The following GRIK2 variants were observed in gnomAD, a reference collection of about 807,000 sequenced individuals.
GRIK2 encodes the protein glutamate ionotropic receptor kainate type subunit 2, also known as glutamate receptor ionotropic, kainate 2.
Under a neutral mutation model 100.3 loss-of-function variants are expected in GRIK2, and 32 were observed. That is an observed-to-expected ratio of 0.32 (90% confidence interval 0.24 to 0.43). The LOEUF is 0.43. Among genes scored for constraint, GRIK2 ranks in the 20% least tolerant of loss-of-function variants. The probability of loss-of-function intolerance (pLI) is 1.00; values close to 1 mark genes in which losing one functional copy is unlikely to be tolerated. For missense variants in GRIK2, 843 were observed against 1,114.9 expected, an observed-to-expected ratio of 0.76 and a Z score of 3.47; for synonymous variants, 417 against 389.4, an observed-to-expected ratio of 1.07 and a Z score of -0.83.
intron 4 of GRIK2, among the ~76,000 whole-genome samples, chr6:101,642,729 CT>C (rs1247590942): frequency 1.3e-5 from 2 of 151,636 alleles, no homozygotes; most frequent in Non-Finnish European, 3.0e-5. Context: ...AGGCCCTGTT[CT>C]CAATTCTTTT....
intron 10 of GRIK2, among the ~76,000 whole-genome samples, chr6:101,851,465 A>G (rs1023871430): frequency 6.6e-5 from 10 of 152,212 alleles, no homozygotes; most frequent in South Asian, 2.1e-4. Flanking sequence ...ACTTAGGAAT[A>G]TAATTTAATT....
chr6:101,548,516 T>C (rs905690471), intron 2 of GRIK2, among the ~76,000 whole-genome samples: 4 of 152,154 alleles, frequency 2.6e-5, no homozygotes, highest in Admixed American at 2.0e-4. Flanking sequence ...AAGGAAGGGG[T>C]CCAGTTTCAG....
intron 14 of GRIK2, among the ~76,000 whole-genome samples, chr6:102,008,202 TAGAA>T (rs1224090298): frequency 6.6e-6 from 1 of 151,708 alleles, no homozygotes; most frequent in African/African-American, 2.4e-5. Context: ...AGTGTACAAA[TAGAA>T]AGGAACAACT....
At chr6:101,509,082 A>G (rs1219652015) in intron 2 of GRIK2, among the ~76,000 whole-genome samples, 1 of 147,020 alleles carries the variant, frequency 6.8e-6, no homozygotes, top group African/African-American at 2.5e-5. Context: ...GGCGTCAACC[A>G]GGGAGGCGGA....
intron 4 of GRIK2, among the ~76,000 whole-genome samples, chr6:101,671,636 C>T (rs148696795): frequency 0.015 from 2,259 of 152,170 alleles, 30 homozygotes; most frequent in Admixed American, 0.039. Context: ...GAGGCCAAGG[C>T]GGGTGGATCG....
intron 2 of GRIK2, among the ~76,000 whole-genome samples, chr6:101,441,548 G>A (rs997279): frequency 0.35 from 52,518 of 151,962 alleles, 9,400 homozygotes; most frequent in Middle Eastern, 0.39. Context: ...TGCTTGGCGC[G>A]GTCAAACATC....
intron 2 of GRIK2, among the ~76,000 whole-genome samples, chr6:101,593,462 A>T (rs568183335): frequency 6.6e-6 from 1 of 152,024 alleles, no homozygotes; most frequent in South Asian, 2.1e-4. Context: ...TTTCAAACAT[A>T]CCATGAGCTA....
In GRIK2 at chr6:102,032,302, A is replaced by G. The variant is rs1770042376; in HGVS notation, c.2086-3039A>G. On this transcript the variant is annotated intron_variant, in intron 14 of 16. Coordinates refer to ENST00000369134, the MANE Select transcript of GRIK2 (RefSeq NM_021956.5). Reference sequence around the variant, plus strand: ...TTGAAAAACTGCCAAGAGCCTTTCAAAAAGATTTACATTTAAAAGGGACAA... The same window carrying G: ...TTGAAAAACTGCCAAGAGCCTTTCAGAAAGATTTACATTTAAAAGGGACAA... Among the ~76,000 whole-genome samples the G allele has an allele frequency of 6.6e-5, 10 of 151,364 alleles. 1 individual carries two copies. The South Asian group carries it at 2.1e-3, about 31-fold the overall frequency.
At chr6:101,708,178 A>G (rs969918645) in intron 7 of GRIK2, among the ~76,000 whole-genome samples, 3 of 151,810 alleles carry the variant, frequency 2.0e-5, no homozygotes, top group African/African-American at 7.2e-5. Flanking sequence ...TTTATTCCGT[A>G]TTTAACACTA....
chr6:101,776,867 A>T (rs950971153), intron 7 of GRIK2, among the ~76,000 whole-genome samples: 1 of 152,182 alleles, frequency 6.6e-6, no homozygotes, highest in African/African-American at 2.4e-5. Flanking sequence ...TTTAAACAGC[A>T]TGAGGCCTGT....
intron 7 of GRIK2, among the ~76,000 whole-genome samples, chr6:101,723,698 T>A (rs1047812534): frequency 1.3e-5 from 2 of 151,996 alleles, no homozygotes; most frequent in African/African-American, 4.8e-5. Context: ...AAGTGAAGTC[T>A]AATAAAACAT....
intron 12 of GRIK2, among the ~76,000 whole-genome samples, chr6:101,905,783 G>A (rs1360922338): frequency 6.6e-6 from 1 of 150,702 alleles, no homozygotes; most frequent in Non-Finnish European, 1.5e-5. Context: ...TTAATGTCTC[G>A]CTCATTCATA....
chr6:101,768,639 A>T (rs566025805), intron 7 of GRIK2, among the ~76,000 whole-genome samples: 1 of 152,280 alleles, frequency 6.6e-6, no homozygotes, highest in Admixed American at 6.5e-5. Flanking sequence ...TCTAAAATAG[A>T]TGCCTAAATC....
At chr6:101,954,324 A>G (rs957231281) in intron 14 of GRIK2, among the ~76,000 whole-genome samples, 2 of 152,146 alleles carry the variant, frequency 1.3e-5, no homozygotes, top group African/African-American at 4.8e-5. Context: ...TCTTAACAAT[A>G]TTAAGTCTTT....
At chr6:101,651,616 T>A (rs1397473799) in intron 4 of GRIK2, among the ~76,000 whole-genome samples, 1 of 152,084 alleles carries the variant, frequency 6.6e-6, no homozygotes, top group East Asian at 1.9e-4. Context: ...TCATGGGGGA[T>A]GAGAGAGTAA....
chr6:101,985,271 A>G (rs1268592250), intron 14 of GRIK2, among the ~76,000 whole-genome samples: 2 of 151,762 alleles, frequency 1.3e-5, no homozygotes, highest in Non-Finnish European at 2.9e-5. Flanking sequence ...TCTAGGCTAC[A>G]TGCTGTTACA....
intron 14 of GRIK2, among the ~76,000 whole-genome samples, chr6:102,021,720 A>C (rs1258279934): frequency 2.0e-5 from 3 of 151,532 alleles, no homozygotes; most frequent in Non-Finnish European, 4.4e-5. Flanking sequence ...AAATTCATCC[A>C]TATCTAATTC....
intron 2 of GRIK2, among the ~76,000 whole-genome samples, chr6:101,599,226 C>T (rs1035117885): frequency 1.3e-5 from 2 of 151,760 alleles, no homozygotes; most frequent in East Asian, 1.9e-4. Context: ...TAGCTGTATC[C>T]GTGCTGCTGC....
In GRIK2 at chr6:101,772,435, A is replaced by G. The variant is rs773666882; in HGVS notation, c.952-27213A>G. Among the ~76,000 whole-genome samples the G allele has an allele frequency of 7.2e-5, 11 of 152,312 alleles. No individual in the cohort carries two copies. The South Asian group carries it at 2.1e-3, about 29-fold the overall frequency. ...AACAACAGTTCCCACTGAAGATGCCACTGAGTTACTAGGACCATACTCCTG... is the reference window on the plus strand; with the variant it reads ...AACAACAGTTCCCACTGAAGATGCCGCTGAGTTACTAGGACCATACTCCTG... On this transcript the variant is annotated intron_variant, in intron 7 of 16. Coordinates refer to ENST00000369134, the MANE Select transcript of GRIK2 (RefSeq NM_021956.5).
Sources: gnomAD v4.1 joint callset for allele counts (sites outside exome capture counted in the v4.1 genomes callset) on GRCh38, gnomAD v4.1.1 for gene constraint, MANE v1.5 for transcripts, NCBI Gene and HGNC (gene_info 2026-07-23, HGNC 2026-07-21) for gene names.